Variants in L3MBTL3 observed in about 807,000 individuals in gnomAD.
The protein encoded by L3MBTL3 is lethal(3)malignant brain tumor-like protein 3.
In L3MBTL3, 27 loss-of-function variants were observed where a neutral mutation model predicts 102.3. The observed-to-expected ratio is 0.26, with a 90% CI of 0.19 to 0.36. The LOEUF is 0.36. L3MBTL3 is among the 10% of genes least tolerant of loss of function. L3MBTL3 has a pLI of 1.00. For missense variants in L3MBTL3, 798 were observed against 955.3 expected (o/e 0.84, Z 2.17); for synonymous variants, 340 against 320.9 (o/e 1.06, Z -0.64).
chr6:130,051,674 A>ATT (rs1215453825), intron 6 of L3MBTL3, among the ~76,000 whole-genome samples: 1 of 152,086 alleles, frequency 6.6e-6, no homozygotes, highest in East Asian at 1.9e-4. Flanking sequence ...CATTCATTTG[A>ATT]TTGTCTTCAG....
chr6:130,043,715 C>T lies in L3MBTL3; in HGVS notation c.102+914C>T, dbSNP rs1221725967. On this transcript the variant is annotated intron_variant, in intron 3 of 22. Transcript: ENST00000361794. The stretch of plus-strand genomic sequence containing the variant: ...GAAATTCTTGCTCCATTATTTAGGC[C>T]TCCTGGAATCTAGTCCCTTTTAGTG... 2.6e-5 allele frequency among the ~76,000 whole-genome samples: 4 copies of T among 152,192 alleles called. No individual in the cohort carries two copies. In the East Asian group the frequency reaches 7.7e-4, roughly 29 times the overall value.
At chr6:130,021,616 G>C (rs1234339474) in intron 1 of L3MBTL3, among the ~76,000 whole-genome samples, 3 of 152,152 alleles carry the variant, frequency 2.0e-5, no homozygotes, top group Non-Finnish European at 4.4e-5. Flanking sequence ...GTTGAAATGT[G>C]TTTAAAACTT....
chr6:130,059,355 A>T (rs1223676325), intron 9 of L3MBTL3, among the ~76,000 whole-genome samples: 1 of 152,162 alleles, frequency 6.6e-6, no homozygotes, highest in Non-Finnish European at 1.5e-5. Flanking sequence ...GTTTAACTTG[A>T]CAGTTTGAAG....
chr6:130,084,949 C>T (rs1426838366), intron 15 of L3MBTL3, among the ~76,000 whole-genome samples: 1 of 152,152 alleles, frequency 6.6e-6, no homozygotes, highest in Admixed American at 6.5e-5. Context: ...CCCACCTCAG[C>T]TTCCTGAGTA....
chr6:130,099,242 ACTCTGTT>A (rs2115303859), intron 18 of L3MBTL3, among the ~76,000 whole-genome samples: 2 of 152,044 alleles, frequency 1.3e-5, no homozygotes, highest in African/African-American at 4.8e-5. Context: ...ATCCTATGGG[ACTCTGTT>A]CTTCTGCTTG....
chr6:130,054,949 A>AC, intron 7 of L3MBTL3: 1 of 484,342 alleles, frequency 2.1e-6, no homozygotes, highest in South Asian at 2.1e-5. Context: ...AGCGGTGTCC[A>AC]TGCCCTTCCA....
At chr6:130,102,332 C>T (rs1784745788) in intron 18 of L3MBTL3, among the ~76,000 whole-genome samples, 1 of 152,044 alleles carries the variant, frequency 6.6e-6, no homozygotes, top group South Asian at 2.1e-4. Context: ...CAATTTTGTC[C>T]CATTGGAATC....
intron 19 of L3MBTL3, among the ~76,000 whole-genome samples, chr6:130,117,294 A>G (rs1756351956): frequency 6.7e-6 from 1 of 150,100 alleles, no homozygotes; most frequent in South Asian, 2.1e-4. Context: ...CCTACAAAGG[A>G]CACGAACTCA....
At chr6:130,069,143 A>G (rs1384571759) in intron 12 of L3MBTL3, among the ~76,000 whole-genome samples, 1 of 152,128 alleles carries the variant, frequency 6.6e-6, no homozygotes, top group Non-Finnish European at 1.5e-5. Flanking sequence ...CCCATCCCCC[A>G]AGCCTGGAGA....
rs759396438 is a variant in L3MBTL3, at chr6:130,083,650, A to T, written c.1352A>T (p.Asp451Val). 6.5e-7 allele frequency: 1 copy of T among 1,542,462 alleles called. No homozygotes were observed. The highest frequency in any genetic ancestry group is 8.7e-7 in the Non-Finnish European group (1 of 1,144,214). Residue 451 changes from aspartate (D) to valine (V), a missense_variant, in exon 15 of 23, where the codon GAT becomes GTT. By Grantham distance (152) the Asp-to-Val change is radical. This residue lies in a region of L3MBTL3 where 306 missense variants were observed against 314.4 expected (regional missense o/e 0.97). Transcript: ENST00000361794. ...GYPNVKHFSWDKYLEETNSLP... is the reference protein window; with the variant it reads ...GYPNVKHFSWVKYLEETNSLP... The stretch of plus-strand genomic sequence containing the variant: ...CCAAATGTGAAACATTTTTCTTGGG[A>T]TAAATACTTAGAAGAAACCAATTCT...
chr6:130,061,365 G>A (rs1781893801), intron 10 of L3MBTL3, among the ~76,000 whole-genome samples: 1 of 152,198 alleles, frequency 6.6e-6, no homozygotes. Flanking sequence ...ACAAGCGTGA[G>A]CCACCACGCC....
At chr6:130,066,958 C>T (rs181014075) in intron 11 of L3MBTL3, among the ~76,000 whole-genome samples, 2 of 152,262 alleles carry the variant, frequency 1.3e-5, no homozygotes, top group African/African-American at 4.8e-5. Context: ...GACTGTAACA[C>T]TAAAAATTGG....
intron 20 of L3MBTL3, among the ~76,000 whole-genome samples, chr6:130,131,312 C>T (rs1028389522): frequency 1.3e-5 from 2 of 152,054 alleles, no homozygotes; most frequent in African/African-American, 2.4e-5. Context: ...ACCCACTAAA[C>T]GGTTAAAAAG....
Position 130,133,928 on chromosome 6 carries a change from A to G in L3MBTL3, c.2199+23A>G, listed in dbSNP as rs369006489. Reference sequence around the variant, plus strand: ...GAAGTAAGTATTCCACTAAATTGCAATATGTTACTTAATGGGATCAAAGCA... The same window carrying G: ...GAAGTAAGTATTCCACTAAATTGCAGTATGTTACTTAATGGGATCAAAGCA... On this transcript the variant is annotated intron_variant, in intron 22 of 22. Transcript: ENST00000361794. This position sits in a 1 kb window ranked among gnomAD's most constrained non-coding sequence, Gnocchi z 4.9. 1.5e-5 allele frequency: 23 copies of G among 1,562,502 alleles called. No homozygotes were observed. The highest frequency in any genetic ancestry group is 2.7e-5 in the African/African-American group (2 of 73,852).
chr6:130,135,297 CAGGTG>C (rs1787524518), intron 22 of L3MBTL3, among the ~76,000 whole-genome samples: 2 of 152,058 alleles, frequency 1.3e-5, no homozygotes, highest in Admixed American at 6.5e-5. Flanking sequence ...CTCCTGACCT[CAGGTG>C]ATCTGCCCAC....
At chr6:130,066,327 A>T in intron 10 of L3MBTL3, 26 bp from the exon 11 acceptor site, 1 of 1,272,644 alleles carries the variant, frequency 7.9e-7, no homozygotes, top group Non-Finnish European at 1.1e-6. Flanking sequence ...TAAAAAAAAT[A>T]ATTCAACCTA....
At chr6:130,088,942 T>A (rs1345060063) in intron 16 of L3MBTL3, among the ~76,000 whole-genome samples, 8 of 152,118 alleles carry the variant, frequency 5.3e-5, no homozygotes, top group Non-Finnish European at 8.8e-5. Context: ...GACTATTTTT[T>A]TGGGAGTCAG....
At chr6:130,021,138 A>C (rs576758913) in intron 1 of L3MBTL3, among the ~76,000 whole-genome samples, 1 of 152,142 alleles carries the variant, frequency 6.6e-6, no homozygotes, top group Non-Finnish European at 1.5e-5. Context: ...TTAGAAAAAC[A>C]CTGACTCGAG....
At chr6:130,062,026 G>A (rs905085372) in intron 10 of L3MBTL3, among the ~76,000 whole-genome samples, 21 of 152,254 alleles carry the variant, frequency 1.4e-4, no homozygotes, top group Admixed American at 1.2e-3. Context: ...CAAAATCATT[G>A]TGAGGAAGCC....
Sources: gnomAD v4.1 joint callset for allele counts (sites outside exome capture counted in the v4.1 genomes callset) on GRCh38, gnomAD v4.1.1 for gene constraint, gnomAD v4.1.1 regional missense constraint, Gnocchi (gnomAD v3.1) non-coding constraint, MANE v1.5 for transcripts, NCBI Gene and HGNC (gene_info 2026-07-23, HGNC 2026-07-21) for gene names.